The following TRPA1 variants were observed in gnomAD, a reference collection of about 807,000 sequenced individuals.
TRPA1 encodes the protein transient receptor potential cation channel subfamily A member 1, also known as ankyrin-like with transmembrane domains 1.
Under a neutral mutation model 131.3 loss-of-function variants are expected in TRPA1, and 129 were observed. That is an observed-to-expected ratio of 0.98 (90% CI 0.85 to 1.14). The LOEUF (loss-of-function observed/expected upper bound fraction) is 1.14. Ranked by LOEUF, TRPA1 falls within the 50% of genes most tolerant of loss-of-function variation. TRPA1 has a pLI of 0.00. For synonymous variants in TRPA1, 441 were observed against 451.7 expected (o/e 0.98, Z 0.30); for missense variants, 1,304 against 1,354.2 (o/e 0.96, Z 0.58).
intron 8 of TRPA1, among the ~76,000 whole-genome samples, chr8:72,058,604 T>C (rs1805732055): frequency 6.6e-6 from 1 of 152,212 alleles, no homozygotes; most frequent in Non-Finnish European, 1.5e-5. Context: ...TCTGCCACAG[T>C]TCTCTTGCCT....
At chr8:72,071,365 G>C (rs1806056664) in intron 2 of TRPA1, among the ~76,000 whole-genome samples, 3 of 152,104 alleles carry the variant, frequency 2.0e-5, no homozygotes, top group Admixed American at 2.0e-4. Context: ...ACCTTCTTGA[G>C]GTGTCAATTT....
intron 2 of TRPA1, 60 bp downstream of exon 2, chr8:72,071,651 T>G: frequency 3.8e-6 from 6 of 1,564,624 alleles, no homozygotes; most frequent in Non-Finnish European, 5.3e-6. Flanking sequence ...CCTTCCATTC[T>G]TTCTAGTTAA....
intron 17 of TRPA1, among the ~76,000 whole-genome samples, chr8:72,041,671 G>A (rs183712717): frequency 6.6e-6 from 1 of 151,784 alleles, no homozygotes. Flanking sequence ...CAAATGAAAT[G>A]AAAACATAAT....
chr8:72,065,058 C>T (rs1241393670), intron 4 of TRPA1, among the ~76,000 whole-genome samples: 1 of 152,310 alleles, frequency 6.6e-6, no homozygotes, highest in African/African-American at 2.4e-5. Flanking sequence ...AAGTCTGCAA[C>T]TGACTATATT....
chr8:72,029,663 G>C (rs1811736093), intron 24 of TRPA1: 1 of 618,872 alleles, frequency 1.6e-6, no homozygotes, highest in Non-Finnish European at 3.0e-6. Context: ...ACTTTGATCT[G>C]TTCTGGGCTA....
intron 26 of TRPA1, 102 bp downstream of exon 26, chr8:72,023,712 T>C: frequency 1.3e-6 from 1 of 757,206 alleles, no homozygotes; most frequent in Non-Finnish European, 2.2e-6. Context: ...AGCAAGATAA[T>C]ATATAAAACA....
At chr8:72,058,676 T>C (rs1299493510) in intron 8 of TRPA1, among the ~76,000 whole-genome samples, 1 of 152,164 alleles carries the variant, frequency 6.6e-6, no homozygotes, top group Non-Finnish European at 1.5e-5. Context: ...GTTTATGGCA[T>C]ATAATGCATA....
At chr8:72,073,699 T>C (rs2129436938) in intron 1 of TRPA1, among the ~76,000 whole-genome samples, 1 of 152,342 alleles carries the variant, frequency 6.6e-6, no homozygotes, top group African/African-American at 2.4e-5. Context: ...CAAATAATTT[T>C]GAGACTCGCT....
chr8:72,075,316 A>T lies in TRPA1; in HGVS notation c.94T>A (p.Phe32Ile). Residue 32 changes from phenylalanine (F) to isoleucine (I), a missense_variant, in exon 1 of 27, where the codon TTC (phenylalanine) becomes ATC (isoleucine). By Grantham distance (21) the Phe-to-Ile change is conservative. Coordinates refer to ENST00000262209, the MANE Select transcript of TRPA1 (RefSeq NM_007332.3). The stretch of plus-strand genomic sequence containing the variant: ...CAGAGTACCTTAAGCGATTCCTTGA[A>T]ATCCTCCGTGTCGTCCGGCACATCC... The part of the protein sequence containing the change: ...YEDVPDDTED[F>I]KESLKVVFEG... 1 of 1,613,322 alleles carries T rather than the reference A, an allele frequency of 6.2e-7. No homozygotes were observed. The highest frequency in any genetic ancestry group is 8.5e-7 in the Non-Finnish European group (1 of 1,179,716).
chr8:72,070,419 G>A (rs751982335), intron 2 of TRPA1, among the ~76,000 whole-genome samples: 4 of 152,052 alleles, frequency 2.6e-5, no homozygotes, highest in Non-Finnish European at 4.4e-5. Flanking sequence ...ATTCCATTTG[G>A]CGCAAAACTT....
At chr8:72,036,259 G>A (rs1292429051) in intron 21 of TRPA1, 29 bp downstream of exon 21, 1 of 1,608,236 alleles carries the variant, frequency 6.2e-7, no homozygotes, top group Non-Finnish European at 8.5e-7. Flanking sequence ...ATGCTTAAAG[G>A]ATGTGGAAAT....
intron 17 of TRPA1, 50 bp from the exon 18 acceptor site, chr8:72,039,847 G>A (rs755926693): frequency 8.7e-6 from 10 of 1,149,124 alleles, no homozygotes; most frequent in Admixed American, 3.4e-5. Context: ...ATCAACTACT[G>A]AGTATAAACT....
rs560054007 is a variant in TRPA1, at chr8:72,055,817, G to C, written c.1233C>G (p.Asn411Lys). The part of the protein sequence containing the change: ...QIKELVMDED[N>K]DGCTPLHYAC... ...CATAATGTAGAGGAGTACACCCATC[G>C]TTGTCTTCATCCATTACCAGCTCTT... The change falls in exon 11 of 27, where the codon AAC (asparagine) becomes AAG (lysine). Residue 411 changes from asparagine to lysine, a missense_variant. By Grantham distance (94) the Asn-to-Lys change is moderately conservative. Coordinates refer to ENST00000262209, the MANE Select transcript of TRPA1 (RefSeq NM_007332.3). The C allele has an allele frequency of 2.5e-6, 4 of 1,613,336 alleles. No homozygotes were observed. Among genetic ancestry groups the C allele is most frequent in the Admixed American group, 3.3e-5 (2 of 59,914 alleles).
chr8:72,065,267 C>T (rs1421458371), intron 4 of TRPA1, among the ~76,000 whole-genome samples, 184 bp downstream of exon 4: 2 of 152,146 alleles, frequency 1.3e-5, no homozygotes, highest in Admixed American at 6.6e-5. Flanking sequence ...TATAAGCAAT[C>T]TCAGATCCTC....
chr8:72,086,601 G>A, the TRPA1 span, among the ~76,000 whole-genome samples: 1 of 152,094 alleles, frequency 6.6e-6, no homozygotes, highest in Admixed American at 6.5e-5. Context: ...TATCAATTTT[G>A]CAGATACAGT....
chr8:72,052,597 A>G lies in TRPA1; in HGVS notation c.1811+2T>C. The G allele has an allele frequency of 6.2e-7, 1 of 1,613,510 alleles. No individual in the cohort carries two copies. Among genetic ancestry groups the G allele is most frequent in the Non-Finnish European group, 8.5e-7 (1 of 1,179,620 alleles). ...ATGACAGTGGACAGGAAGACAGTGT[A>G]CCTTTTGCTCCTGATGATCGTAAGA... On this transcript the variant is annotated splice_donor_variant, in intron 14 of 26. Coordinates refer to ENST00000262209, the MANE Select transcript of TRPA1 (RefSeq NM_007332.3). LOFTEE classifies it high-confidence loss of function.
the TRPA1 span, among the ~76,000 whole-genome samples, chr8:72,082,027 G>A: frequency 7.3e-5 from 11 of 151,426 alleles, no homozygotes; most frequent in African/African-American, 2.7e-4. Context: ...TTGTTTGTTT[G>A]TATCACATAT....
At chr8:72,043,067 C>A (rs1033927532) in intron 17 of TRPA1, among the ~76,000 whole-genome samples, 1 of 151,692 alleles carries the variant, frequency 6.6e-6, no homozygotes, top group African/African-American at 2.4e-5. Flanking sequence ...ATGCTTTTTA[C>A]CACAAGTAAA....
intron 6 of TRPA1, among the ~76,000 whole-genome samples, chr8:72,062,051 C>T (rs575550914): frequency 3.9e-5 from 6 of 152,294 alleles, no homozygotes; most frequent in African/African-American, 1.4e-4. Context: ...CCCCAGGGAA[C>T]ATGAGAACAA....
Sources: allele counts gnomAD v4.1 joint callset (sites outside exome capture counted in the v4.1 genomes callset), GRCh38; gene constraint gnomAD v4.1.1; transcripts MANE v1.5; gene names NCBI Gene and HGNC (gene_info 2026-07-23, HGNC 2026-07-21).